Variants in ITGA4 observed in about 807,000 individuals in gnomAD.
The protein encoded by ITGA4 is integrin subunit alpha 4.
ITGA4 carries 63 observed loss-of-function variants against 133.6 expected under a neutral mutation model. The observed-to-expected ratio is 0.47, with a 90% CI of 0.38 to 0.58. The LOEUF is 0.58. Among genes scored for constraint, ITGA4 ranks in the 20% least tolerant of loss-of-function variants. The pLI is 0.00. For synonymous variants in ITGA4, 483 were observed against 438.0 expected (o/e 1.10, Z -1.28); for missense variants, 1,076 against 1,252.7 (o/e 0.86, Z 2.13).
intron 25 of ITGA4, among the ~76,000 whole-genome samples, chr2:181,533,566 C>T (rs572585268): frequency 6.6e-5 from 10 of 152,292 alleles, no homozygotes; most frequent in East Asian, 1.9e-4. Context: ...CCACCTCCCA[C>T]GTTCTGACAC....
Position 181,536,398 on chromosome 2 carries a change from A to C in ITGA4, c.*871A>C, listed in dbSNP as rs988484266. Among the ~76,000 whole-genome samples the C allele has an allele frequency of 6.7e-6, 1 of 149,710 alleles. No homozygotes were observed. Among genetic ancestry groups the C allele is most frequent in the African/African-American group, 2.4e-5 (1 of 41,150 alleles). On this transcript the variant is annotated 3_prime_UTR_variant, in exon 28 of 28. Transcript: ENST00000397033. ...CACTTTACCTGATACACGCTGATTT[A>C]GAAAATACAGAAACCATACCTCACT...
rs1453536420 is a variant in ITGA4, at chr2:181,537,393, G to T, written c.*1866G>T. 1 of 452,024 alleles carries T rather than the reference G, an allele frequency of 2.2e-6. No homozygotes were observed. Among genetic ancestry groups the T allele is most frequent in the Non-Finnish European group, 4.4e-6 (1 of 225,490 alleles). The allele number at this position is 452,024 out of a possible 1,614,324, so 28.0% of individuals were successfully genotyped here. Reference sequence around the variant, plus strand: ...ACAATTACATATTGGGCTAGATTTTGCCCAGTTCAAAATAGTATTTGTTAT... The same window carrying T: ...ACAATTACATATTGGGCTAGATTTTTCCCAGTTCAAAATAGTATTTGTTAT... On this transcript the variant is annotated 3_prime_UTR_variant, in exon 28 of 28. Transcript: ENST00000397033.
intron 17 of ITGA4, 50 bp from the exon 18 acceptor site, chr2:181,522,141 G>A (rs1686733844): frequency 4.3e-6 from 5 of 1,154,262 alleles, no homozygotes; most frequent in Non-Finnish European, 6.3e-6. Context: ...ATAAGAGAGA[G>A]GGATTTTTAT....
intron 21 of ITGA4, among the ~76,000 whole-genome samples, chr2:181,526,901 A>G (rs887423262): frequency 1.4e-4 from 18 of 130,108 alleles, no homozygotes; most frequent in Non-Finnish European, 7.8e-5. Flanking sequence ...GTGTGACCTC[A>G]GCTCACTGCA....
At chr2:181,496,157 A>T (rs772921042) in intron 14 of ITGA4, among the ~76,000 whole-genome samples, 1 of 152,228 alleles carries the variant, frequency 6.6e-6, no homozygotes, top group Admixed American at 6.5e-5. Flanking sequence ...TTTAGAGATT[A>T]TGAGAAGCAA....
intron 4 of ITGA4, 86 bp from the exon 5 acceptor site, chr2:181,478,671 G>A (rs1685735993): frequency 1.8e-6 from 1 of 562,926 alleles, no homozygotes; most frequent in Non-Finnish European, 3.1e-6. Context: ...GACCTTAAAG[G>A]ACATTTTTGT....
Position 181,488,810 on chromosome 2 carries a change from G to T in ITGA4, c.1153+2818G>T, listed in dbSNP as rs1034071367. 2.0e-5 allele frequency among the ~76,000 whole-genome samples: 3 copies of T among 151,994 alleles called. No homozygotes were observed. In the South Asian group the frequency reaches 6.2e-4, roughly 31 times the overall value. ...CCTGACCTTGTGATCTGCCCGCCTT[G>T]GCCTCCAAAAATGCTGGGATTACAG... On this transcript the variant is annotated intron_variant, in intron 10 of 27. Transcript: ENST00000397033.
At position 181,524,301 on chromosome 2, in the gene ITGA4, A is replaced by AGG. The variant is rs138320971; in HGVS notation, c.2249+58_2249+59dup. Reference sequence around the variant, plus strand: ...ACTAGAAATATACCCCCATATTCTGAGGGGGGGGAATTAGGAGAACCGTAA... The same window carrying AGG: ...ACTAGAAATATACCCCCATATTCTGAGGGGGGGGGGAATTAGGAGAACCGTAA... On this transcript the variant is annotated intron_variant, in intron 20 of 27. Coordinates refer to ENST00000397033, the MANE Select transcript of ITGA4 (RefSeq NM_000885.6). 4 of 1,006,678 alleles carry AGG rather than the reference A, an allele frequency of 4.0e-6. No homozygotes were observed. The Admixed American group carries it at 1.0e-4, about 25-fold the overall frequency. 62.4% of individuals were successfully genotyped at this position (1,006,678 alleles called of 1,614,324 possible).
chr2:181,495,990 T>A lies in ITGA4; in HGVS notation c.1540+53T>A. On this transcript the variant is annotated intron_variant, in intron 14 of 27. Coordinates refer to ENST00000397033, the MANE Select transcript of ITGA4 (RefSeq NM_000885.6). The surrounding 1 kb of genome is among the most constrained non-coding windows in gnomAD (Gnocchi z 4.3). ...TGATGGGGTGCGGTTCATTCATTAA[T>A]CCCACAATCCTGCTTGGAGCCCTCA... 6.4e-7 allele frequency: 1 copy of A among 1,564,304 alleles called. No homozygotes were observed. The highest frequency in any genetic ancestry group is 8.8e-7 in the Non-Finnish European group (1 of 1,142,784).
intron 12 of ITGA4, 41 bp downstream of exon 12, chr2:181,494,853 C>G: frequency 9.7e-7 from 1 of 1,031,066 alleles, no homozygotes; most frequent in Non-Finnish European, 1.5e-6. Context: ...TTGGAATAAG[C>G]TCTATCATAG....
At chr2:181,467,849 A>T (rs1294182497) in intron 2 of ITGA4, among the ~76,000 whole-genome samples, 1 of 152,160 alleles carries the variant, frequency 6.6e-6, no homozygotes, top group African/African-American at 2.4e-5. Context: ...TGATTCCTTT[A>T]AGACTCAATT....
chr2:181,491,741 T>C (rs1467293057), intron 10 of ITGA4, among the ~76,000 whole-genome samples: 1 of 152,134 alleles, frequency 6.6e-6, no homozygotes, highest in East Asian at 1.9e-4. Context: ...CACTCCTTCT[T>C]CTCACATCCC....
At chr2:181,458,603 G>A (rs960621816) in intron 2 of ITGA4, 1 of 403,866 alleles carries the variant, frequency 2.5e-6, no homozygotes, top group African/African-American at 2.0e-5. Context: ...GTCTCTCCGT[G>A]TGTAAAGCAC....
intron 9 of ITGA4, 81 bp downstream of exon 9, chr2:181,482,732 A>T (rs1685835132): frequency 7.4e-7 from 1 of 1,350,354 alleles, no homozygotes; most frequent in Non-Finnish European, 1.0e-6. Context: ...GAGATCTGAG[A>T]TTGTTTTCAG....
At chr2:181,517,581 G>T (rs1360499209) in intron 17 of ITGA4, among the ~76,000 whole-genome samples, 2 of 152,088 alleles carry the variant, frequency 1.3e-5, no homozygotes, top group African/African-American at 4.8e-5. Context: ...CTCTGGTTCA[G>T]TCTTGTCGCA....
chr2:181,527,153 TAAATA>T, intron 21 of ITGA4, 139 bp from the exon 22 acceptor site: 1 of 509,268 alleles, frequency 2.0e-6, no homozygotes, highest in South Asian at 2.4e-5. Context: ...AATTTCTTTT[TAAATA>T]AAATGTATAT....
chr2:181,534,346 A>G lies in ITGA4; in HGVS notation c.2859A>G (p.Leu953=), dbSNP rs1212773077. The G allele has an allele frequency of 1.2e-6, 2 of 1,603,844 alleles. No homozygotes were observed. Among genetic ancestry groups the G allele is most frequent in the Non-Finnish European group, 1.7e-6 (2 of 1,170,904 alleles). The change falls in exon 26 of 28, where the codon CTA becomes CTG. Residue 953 remains leucine (L), a synonymous_variant. Transcript: ENST00000397033. ...AGCCAAATCCAAGAGTAATTGAACT[A>G]AACAAGGATGAGAATGTTGCGCATG... is the stretch of plus-strand genomic sequence containing the variant. ...FPEPNPRVIE[L]NKDENVAHVL...
rs765837614 is a variant in ITGA4, at chr2:181,529,617, C to T, written c.2507C>T (p.Thr836Ile). Residue 836 changes from threonine (T) to isoleucine (I), a missense_variant, in exon 23 of 28, where the codon ACT becomes ATT. By Grantham distance (89) the Thr-to-Ile change is moderately conservative. This residue lies in a region of ITGA4 where 365 missense variants were observed against 421.4 expected (regional missense o/e 0.87). Transcript: ENST00000397033. ...GTACCAAATTCTTTTAGCCCCCAAA[C>T]TGATAAGCTGTTCAACATTTTGGAT... ...IMVPNSFSPQ[T>I]DKLFNILDVQ... The T allele has an allele frequency of 6.3e-7, 1 of 1,598,476 alleles. No individual in the cohort carries two copies.
chr2:181,529,763 TCA>T, intron 23 of ITGA4, 115 bp downstream of exon 23: 1 of 608,998 alleles, frequency 1.6e-6, no homozygotes, highest in Non-Finnish European at 2.9e-6. Flanking sequence ...TTAACTTACT[TCA>T]GTCACACTCT....
Sources: gnomAD v4.1 joint callset for allele counts (sites outside exome capture counted in the v4.1 genomes callset) on GRCh38, gnomAD v4.1.1 for gene constraint, gnomAD v4.1.1 regional missense constraint, Gnocchi (gnomAD v3.1) non-coding constraint, MANE v1.5 for transcripts, NCBI Gene and HGNC (gene_info 2026-07-23, HGNC 2026-07-21) for gene names.